The following DLGAP2 variants were observed in gnomAD, a reference collection of about 807,000 sequenced individuals.
DLGAP2 encodes disks large-associated protein 2.
Under a neutral mutation model 100.3 loss-of-function variants are expected in DLGAP2, and 26 were observed. The observed-to-expected ratio is 0.26, with a 90% CI of 0.19 to 0.36. The LOEUF (loss-of-function observed/expected upper bound fraction) is 0.36. Ranked by LOEUF, DLGAP2 falls within the 10% of genes least tolerant of loss-of-function variation. The pLI is 1.00. For synonymous variants in DLGAP2, 886 were observed against 630.1 expected, an observed-to-expected ratio of 1.41 and a Z score of -6.08; for missense variants, 1,858 against 1,453.2, an observed-to-expected ratio of 1.28 and a Z score of -4.53.
chr8:782,184 A>T (rs952107652), intron 1 of DLGAP2, among the ~76,000 whole-genome samples: 2 of 152,144 alleles, frequency 1.3e-5, no homozygotes, highest in Non-Finnish European at 2.9e-5. Flanking sequence ...CCAGATATGC[A>T]CATTTATTAT....
chr8:1,330,458 G>T (rs1253237030), intron 3 of DLGAP2, among the ~76,000 whole-genome samples: 1 of 146,022 alleles, frequency 6.8e-6, no homozygotes, highest in African/African-American at 2.5e-5. Flanking sequence ...CTGAGTTCTG[G>T]GTGGGAGCAC....
At chr8:880,314 C>G (rs1317897728) in intron 1 of DLGAP2, among the ~76,000 whole-genome samples, 1 of 152,192 alleles carries the variant, frequency 6.6e-6, no homozygotes, top group African/African-American at 2.4e-5. Context: ...CGAGGCCATG[C>G]GTCTTCTAGA....
chr8:803,522 C>G (rs536556987), intron 1 of DLGAP2, among the ~76,000 whole-genome samples: 1 of 152,124 alleles, frequency 6.6e-6, no homozygotes, highest in African/African-American at 2.4e-5. Flanking sequence ...GGAGATGGCT[C>G]CCAGTAGGAG....
chr8:1,485,853 C>T (rs1320422904), intron 3 of DLGAP2, among the ~76,000 whole-genome samples: 1 of 152,050 alleles, frequency 6.6e-6, no homozygotes, highest in East Asian at 1.9e-4. Flanking sequence ...GGCGAAACCC[C>T]ATCTCTACTA....
chr8:1,392,085 G>T (rs1796372075), intron 3 of DLGAP2, among the ~76,000 whole-genome samples: 1 of 152,192 alleles, frequency 6.6e-6, no homozygotes, highest in African/African-American at 2.4e-5. Context: ...CAGGTCATAG[G>T]ACTGAGAGCA....
chr8:1,683,734 A>G (rs548706172), intron 12 of DLGAP2, among the ~76,000 whole-genome samples: 3 of 146,398 alleles, frequency 2.0e-5, no homozygotes, highest in Non-Finnish European at 3.0e-5. Context: ...CCAGAGAATC[A>G]CCTCGCCATC....
intron 3 of DLGAP2, chr8:1,369,819 C>T (rs149826716): frequency 8.5e-5 from 13 of 152,426 alleles, no homozygotes; most frequent in African/African-American, 2.9e-4. Flanking sequence ...TTCTCTGATG[C>T]TCTCACGGAT....
intron 2 of DLGAP2, among the ~76,000 whole-genome samples, chr8:1,132,701 C>T (rs1338567587): frequency 2.6e-5 from 4 of 152,196 alleles, no homozygotes; most frequent in African/African-American, 9.6e-5. Context: ...TAATCCTGGC[C>T]TCCCTGATGG....
intron 3 of DLGAP2, among the ~76,000 whole-genome samples, chr8:1,317,508 C>T (rs1800786371): frequency 7.1e-6 from 1 of 141,412 alleles, no homozygotes; most frequent in African/African-American, 2.8e-5. Context: ...AGACACTTGG[C>T]AGCGTTTAAA....
chr8:1,693,654 G>T (rs111900358), intron 13 of DLGAP2, among the ~76,000 whole-genome samples: 166 of 152,246 alleles, frequency 1.1e-3, no homozygotes, highest in Non-Finnish European at 1.8e-3. Context: ...AGCCAGAGTT[G>T]CCATCTCATG....
intron 3 of DLGAP2, among the ~76,000 whole-genome samples, chr8:1,388,204 C>G (rs114023889): frequency 0.018 from 2,124 of 117,102 alleles, 171 homozygotes; most frequent in African/African-American, 0.066. Flanking sequence ...AGGCAGAGAC[C>G]GTGGATGAGG....
chr8:1,522,443 C>T (rs1008652309), intron 4 of DLGAP2, among the ~76,000 whole-genome samples: 5 of 152,228 alleles, frequency 3.3e-5, no homozygotes, highest in African/African-American at 7.2e-5. Flanking sequence ...GCTCAGAGCA[C>T]GGGATCCACA....
At chr8:1,172,284 T>C (rs1797145429) in intron 2 of DLGAP2, among the ~76,000 whole-genome samples, 1 of 152,216 alleles carries the variant, frequency 6.6e-6, no homozygotes, top group Non-Finnish European at 1.5e-5. Flanking sequence ...CCTTTGTGGG[T>C]AACCCGACCT....
intron 3 of DLGAP2, among the ~76,000 whole-genome samples, chr8:1,408,774 C>T (rs1796646264): frequency 1.3e-5 from 2 of 152,120 alleles, no homozygotes; most frequent in South Asian, 4.2e-4. Flanking sequence ...CGTGGCAGCT[C>T]TACCACCAAG....
chr8:1,348,842 C>T lies in DLGAP2; in HGVS notation c.106+89959C>T, dbSNP rs150266240. On this transcript the variant is annotated intron_variant, in intron 3 of 14. Coordinates refer to ENST00000637795, the MANE Select transcript of DLGAP2 (RefSeq NM_001346810.2). Reference sequence around the variant, plus strand: ...CCAGCCAGTATCAGTCCCCACCTCACGTTGGCTGCTTCCCCATCCATGTCC... The same window carrying T: ...CCAGCCAGTATCAGTCCCCACCTCATGTTGGCTGCTTCCCCATCCATGTCC... Among the ~76,000 whole-genome samples, 26 of 152,350 alleles carry T rather than the reference C, an allele frequency of 1.7e-4. No individual in the cohort carries two copies. The East Asian group carries it at 4.4e-3, about 26-fold the overall frequency.
chr8:1,424,484 C>G (rs529334210), intron 3 of DLGAP2, among the ~76,000 whole-genome samples: 9 of 152,324 alleles, frequency 5.9e-5, no homozygotes, highest in Admixed American at 3.3e-4. Context: ...GAATGTTACC[C>G]TGTCATAGAA....
intron 2 of DLGAP2, among the ~76,000 whole-genome samples, chr8:926,625 C>T (rs1001815079): frequency 2.6e-5 from 4 of 152,248 alleles, no homozygotes; most frequent in African/African-American, 9.6e-5. Flanking sequence ...CAGGGAGCTG[C>T]TCTCTGGAAC....
intron 6 of DLGAP2, among the ~76,000 whole-genome samples, chr8:1,593,993 G>A (rs1207495254): frequency 6.6e-6 from 1 of 152,180 alleles, no homozygotes; most frequent in South Asian, 2.1e-4. Context: ...CCACATAGGG[G>A]AGGACAGAGA....
chr8:1,355,310 T>A (rs1426828286), intron 3 of DLGAP2, among the ~76,000 whole-genome samples: 2 of 152,148 alleles, frequency 1.3e-5, no homozygotes, highest in African/African-American at 4.8e-5. Context: ...CTCTGGGTGG[T>A]GAGATTGTCG....
Sources: gnomAD v4.1 joint callset for allele counts (sites outside exome capture counted in the v4.1 genomes callset) on GRCh38, gnomAD v4.1.1 for gene constraint, MANE v1.5 for transcripts, NCBI Gene and HGNC (gene_info 2026-07-23, HGNC 2026-07-21) for gene names.